Variants in ARPC2 observed in about 807,000 individuals in gnomAD.
The protein encoded by ARPC2 is actin-related protein 2/3 complex subunit 2.
A neutral mutation model predicts 38.6 loss-of-function variants in ARPC2; 4 were observed. That is an observed-to-expected ratio of 0.10 (90% CI 0.05 to 0.24). The LOEUF is 0.24. ARPC2 is among the 10% of genes least tolerant of loss of function. The pLI is 1.00. For missense variants in ARPC2, 229 were observed against 387.3 expected (o/e 0.59, Z 3.43); for synonymous variants, 125 against 140.8 (o/e 0.89, Z 0.79).
Position 218,217,260 on chromosome 2 carries a change from T to TTGAG in ARPC2, c.-9+8_-9+9insAGTG, listed in dbSNP as rs1689267210. On this transcript the variant is annotated splice_region_variant and intron_variant, in intron 1 of 10. Coordinates refer to ENST00000315717, the MANE Select transcript of ARPC2 (RefSeq NM_152862.3). The stretch of plus-strand genomic sequence containing the variant: ...GTTCAGGCTTCGGGGGCCAGGTCGG[T>TTGAG]TGGGTGGGTGGGTGTCTCCACAGTC... 2.1e-6 allele frequency: 1 copy of TTGAG among 476,272 alleles called. No individual in the cohort carries two copies. Among genetic ancestry groups the TTGAG allele is most frequent in the Admixed American group, 4.0e-5 (1 of 25,172 alleles). The allele number at this position is 476,272 out of a possible 1,614,324, so 29.5% of individuals were successfully genotyped here. A position where few individuals can be genotyped will look rare whatever the true frequency, so the allele number is the denominator to read the frequency against.
intron 2 of ARPC2, among the ~76,000 whole-genome samples, chr2:218,222,731 C>G (rs1319033049): frequency 6.6e-6 from 1 of 152,204 alleles, no homozygotes; most frequent in Non-Finnish European, 1.5e-5. Context: ...CTTCTATGAG[C>G]TAGGCACTGT....
At chr2:218,251,666 T>C (rs1344866342) in intron 10 of ARPC2, among the ~76,000 whole-genome samples, 1 of 152,002 alleles carries the variant, frequency 6.6e-6, no homozygotes, top group East Asian at 1.9e-4. Context: ...TTGTCCAGGC[T>C]GGTCTCGAAC....
At chr2:218,222,838 G>A (rs1487149452) in intron 2 of ARPC2, among the ~76,000 whole-genome samples, 1 of 152,104 alleles carries the variant, frequency 6.6e-6, no homozygotes, top group Non-Finnish European at 1.5e-5. Context: ...TTGGGGGTGG[G>A]GGTAGATATT....
At chr2:218,228,876 G>T (rs1480801454) in intron 4 of ARPC2, 26 bp downstream of exon 4, 1 of 1,441,150 alleles carries the variant, frequency 6.9e-7, no homozygotes, top group South Asian at 1.2e-5. Context: ...TTTTCCTTGG[G>T]ACTCTTGTTT....
chr2:218,221,278 G>A (rs567427455), intron 2 of ARPC2, among the ~76,000 whole-genome samples: 1 of 152,340 alleles, frequency 6.6e-6, no homozygotes, highest in South Asian at 2.1e-4. Context: ...GTTGGGGTGG[G>A]CGAGGATGAT....
intron 3 of ARPC2, among the ~76,000 whole-genome samples, 180 bp from the exon 4 acceptor site, chr2:218,228,558 T>A (rs1180037234): frequency 6.6e-6 from 1 of 152,174 alleles, no homozygotes; most frequent in Non-Finnish European, 1.5e-5. Flanking sequence ...AAGAAACAAG[T>A]GCTCAGCAAT....
At position 218,228,730 on chromosome 2, in the gene ARPC2, C is replaced by T; in HGVS notation, c.110-8C>T. 6.6e-7 allele frequency: 1 copy of T among 1,517,546 alleles called. No individual in the cohort carries two copies. The highest frequency in any genetic ancestry group is 9.1e-7 in the Non-Finnish European group (1 of 1,092,982). 94.0% of individuals were successfully genotyped at this position (1,517,546 alleles called of 1,614,324 possible). A position where few individuals can be genotyped will look rare whatever the true frequency, so the allele number is the denominator to read the frequency against. ...ATTGTTACGCAATCTTATTTGCTTT[C>T]CTCACAGATTTCGATGGGGTCCTCT... On this transcript the variant is annotated splice_region_variant and splice_polypyrimidine_tract_variant and intron_variant, in intron 3 of 10. Coordinates refer to ENST00000315717, the MANE Select transcript of ARPC2 (RefSeq NM_152862.3).
chr2:218,226,626 C>CAAAAA (rs34789459), intron 3 of ARPC2, among the ~76,000 whole-genome samples: 23 of 61,466 alleles, frequency 3.7e-4, no homozygotes, highest in South Asian at 1.8e-3. Flanking sequence ...GACTCCATCT[C>CAAAAA]AAAAAAAAAA....
At chr2:218,225,453 C>A (rs1689474098) in intron 2 of ARPC2, among the ~76,000 whole-genome samples, 1 of 152,182 alleles carries the variant, frequency 6.6e-6, no homozygotes. Flanking sequence ...TGGAATAGAA[C>A]TTGCCGTTTT....
chr2:218,228,159 C>A (rs1424214989), intron 3 of ARPC2, among the ~76,000 whole-genome samples: 1 of 152,056 alleles, frequency 6.6e-6, no homozygotes, highest in Non-Finnish European at 1.5e-5. Flanking sequence ...AATCCCAGCA[C>A]TTTGGGAGGC....
intron 8 of ARPC2, among the ~76,000 whole-genome samples, chr2:218,248,851 G>A (rs1306386518): frequency 6.6e-6 from 1 of 152,216 alleles, no homozygotes; most frequent in Non-Finnish European, 1.5e-5. Flanking sequence ...TATCATGAGG[G>A]TTCAGGTCCT....
chr2:218,218,091 C>T (rs1334871358), intron 2 of ARPC2, among the ~76,000 whole-genome samples: 3 of 152,192 alleles, frequency 2.0e-5, no homozygotes, highest in Non-Finnish European at 4.4e-5. Context: ...GCCGGAAAAA[C>T]GCGATCTCTG....
Position 218,253,928 on chromosome 2 carries a change from G to T in ARPC2, c.*13G>T, listed in dbSNP as rs762741833. The T allele has an allele frequency of 4.2e-5, 67 of 1,613,902 alleles. No individual in the cohort carries two copies. The highest frequency in any genetic ancestry group is 3.8e-4 in the South Asian group (35 of 91,066). ...TTCATCCCGCTAATCTTGGGAATAA[G>T]AGGAGGAAGCGGCTGGCAACTGAAG... is the stretch of plus-strand genomic sequence containing the variant. On this transcript the variant is annotated 3_prime_UTR_variant, in exon 11 of 11. Transcript: ENST00000315717.
chr2:218,249,774 T>C (rs1559484209), intron 9 of ARPC2, 47 bp from the exon 10 acceptor site: 16 of 1,547,376 alleles, frequency 1.0e-5, no homozygotes, highest in Non-Finnish European at 1.3e-5. Flanking sequence ...CAAAGCTGTC[T>C]TTCTAGACCA....
chr2:218,243,953 A>G (rs759807455), intron 7 of ARPC2, among the ~76,000 whole-genome samples: 8 of 152,270 alleles, frequency 5.3e-5, no homozygotes, highest in Admixed American at 2.0e-4. Flanking sequence ...GACACTTAAC[A>G]GACACAAGAA....
chr2:218,237,237 T>G (rs1689795356), intron 5 of ARPC2, among the ~76,000 whole-genome samples: 1 of 152,198 alleles, frequency 6.6e-6, no homozygotes, highest in Non-Finnish European at 1.5e-5. Flanking sequence ...TTCACTCTTG[T>G]TGCTCAGGCT....
chr2:218,234,512 T>C (rs1689721117), intron 5 of ARPC2, 115 bp downstream of exon 5: 2 of 879,964 alleles, frequency 2.3e-6, no homozygotes, highest in Non-Finnish European at 3.5e-6. Context: ...TATTTCTGCA[T>C]GAGCCCATTC....
intron 4 of ARPC2, among the ~76,000 whole-genome samples, chr2:218,229,642 TTATATAA>T (rs984227472): frequency 6.6e-6 from 1 of 152,234 alleles, no homozygotes; most frequent in African/African-American, 2.4e-5. Flanking sequence ...TATTTAAAAC[TTATATAA>T]TAAAAGATGA....
At chr2:218,231,987 C>G (rs1445465624) in intron 4 of ARPC2, among the ~76,000 whole-genome samples, 1 of 152,174 alleles carries the variant, frequency 6.6e-6, no homozygotes, top group Non-Finnish European at 1.5e-5. Context: ...CGCCTGTAAT[C>G]CCAGCACTTT....
Sources: gnomAD v4.1 joint callset for allele counts (sites outside exome capture counted in the v4.1 genomes callset) on GRCh38, gnomAD v4.1.1 for gene constraint, MANE v1.5 for transcripts, NCBI Gene and HGNC (gene_info 2026-07-23, HGNC 2026-07-21) for gene names.